Variants in ZNF207 observed in about 807,000 individuals in gnomAD.
ZNF207 encodes BUB3-interacting and GLEBS motif-containing protein ZNF207.
Under a neutral mutation model 60.2 loss-of-function variants are expected in ZNF207, and 24 were observed. The ratio of observed to expected loss-of-function variants is 0.40; its 90% CI spans 0.29 to 0.56. The LOEUF (loss-of-function observed/expected upper bound fraction) is 0.56, where lower values mean the gene tolerates loss of function less well. Among genes scored for constraint, ZNF207 ranks in the 20% least tolerant of loss-of-function variants. The pLI is 0.49. For synonymous variants in ZNF207, 236 were observed against 194.7 expected (o/e 1.21, Z -1.77); for missense variants, 452 against 636.6 (o/e 0.71, Z 3.12).
chr17:32,367,284 T>TATATATAA (rs1346929445), intron 9 of ZNF207, among the ~76,000 whole-genome samples: 23 of 131,056 alleles, frequency 1.8e-4, no homozygotes, highest in African/African-American at 6.3e-4. Flanking sequence ...TATATATATA[T>TATATATAA]AAAGAATACT....
chr17:32,358,444 G>T, intron 2 of ZNF207, 59 bp from the exon 3 acceptor site: 2 of 1,480,678 alleles, frequency 1.4e-6, no homozygotes, highest in Admixed American at 2.7e-5. Context: ...AGCAGTCTTT[G>T]ATTAACTTGG....
chr17:32,355,042 T>C (rs75943544), intron 2 of ZNF207, among the ~76,000 whole-genome samples: 3,109 of 152,238 alleles, frequency 0.02, 57 homozygotes, highest in Non-Finnish European at 0.029. Context: ...CAGAGTTTGA[T>C]AGGTTAGATA....
chr17:32,366,142 G>A (rs1161659228), intron 8 of ZNF207, among the ~76,000 whole-genome samples: 1 of 152,098 alleles, frequency 6.6e-6, no homozygotes, highest in Non-Finnish European at 1.5e-5. Context: ...AGATCGGGAT[G>A]TATGTTTATT....
chr17:32,353,001 C>G (rs544665415), intron 2 of ZNF207, among the ~76,000 whole-genome samples: 7 of 152,178 alleles, frequency 4.6e-5, no homozygotes, highest in Admixed American at 4.6e-4. Context: ...TGGTGAAACC[C>G]CATCTCTACT....
chr17:32,369,040 G>T, intron 10 of ZNF207: 1 of 430,032 alleles, frequency 2.3e-6, no homozygotes, highest in Non-Finnish European at 4.2e-6. Flanking sequence ...TACTTCATTA[G>T]ATAGTTTCTT....
intron 2 of ZNF207, among the ~76,000 whole-genome samples, chr17:32,356,794 A>G (rs1904532751): frequency 6.6e-6 from 1 of 152,198 alleles, no homozygotes; most frequent in South Asian, 2.1e-4. Context: ...TTATTGGCAA[A>G]AGTTACCCAG....
rs1905618151 is a variant in ZNF207, at chr17:32,374,734, A to G, written c.*4975A>G. On this transcript the variant is annotated 3_prime_UTR_variant, in exon 12 of 12. Transcript: ENST00000394670. ...TATAACAACAGAATTTGGGTGTTAC[A>G]GACCTTTCAGCATGGATGGATTACT... 6.6e-6 allele frequency: 1 copy of G among 152,252 alleles called. No homozygotes were observed. Among genetic ancestry groups the G allele is most frequent in the Non-Finnish European group, 1.5e-5 (1 of 68,056 alleles). The allele number at this position is 152,252 out of a possible 1,614,324, so 9.4% of individuals were successfully genotyped here.
At chr17:32,355,603 T>C (rs1004144605) in intron 2 of ZNF207, among the ~76,000 whole-genome samples, 4 of 152,198 alleles carry the variant, frequency 2.6e-5, no homozygotes, top group Admixed American at 6.5e-5. Context: ...ACGCATACAA[T>C]GTAAGGGTGG....
intron 5 of ZNF207, chr17:32,361,228 AT>A: frequency 1.8e-6 from 1 of 566,242 alleles, no homozygotes; most frequent in South Asian, 2.6e-5. Context: ...GTAGTTGGTT[AT>A]TTATAGATTT....
At position 32,369,284 on chromosome 17, in the gene ZNF207, T is replaced by G. The variant is rs773596376; in HGVS notation, c.1165-11T>G. On this transcript the variant is annotated splice_polypyrimidine_tract_variant and intron_variant, in intron 10 of 11. Coordinates refer to ENST00000394670, the MANE Select transcript of ZNF207 (RefSeq NM_001098507.2). ...TCGAGTATTTAGCCCTGCGCTTATT[T>G]TTATTCCCAGGAAGAGAGAAGGGCA... 34 of 1,613,030 alleles carry G rather than the reference T, an allele frequency of 2.1e-5. No individual in the cohort carries two copies. Among genetic ancestry groups the G allele is most frequent in the Non-Finnish European group, 2.6e-5 (31 of 1,179,416 alleles).
rs184975721 is a variant in ZNF207 at position 32,352,088 on chromosome 17, C to T, written c.168+176C>T. 6.6e-5 allele frequency among the ~76,000 whole-genome samples: 10 copies of T among 152,294 alleles called. No homozygotes were observed. In the East Asian group the frequency reaches 1.5e-3, roughly 23 times the overall value. On this transcript the variant is annotated intron_variant, in intron 2 of 11. Coordinates refer to ENST00000394670, the MANE Select transcript of ZNF207 (RefSeq NM_001098507.2). Reference sequence around the variant, plus strand: ...GTTCAAGCTATTCTTCTGCCTCAGCCTCCGGAGTAGTTGGGACTACAGGCA... The same window carrying T: ...GTTCAAGCTATTCTTCTGCCTCAGCTTCCGGAGTAGTTGGGACTACAGGCA...
intron 3 of ZNF207, among the ~76,000 whole-genome samples, chr17:32,359,927 TTGAA>T (rs1198139106): frequency 6.6e-6 from 1 of 152,018 alleles, no homozygotes; most frequent in East Asian, 1.9e-4. Flanking sequence ...ATAGATAAAA[TTGAA>T]TGGTAGATGA....
intron 2 of ZNF207, among the ~76,000 whole-genome samples, chr17:32,356,029 C>T (rs2150789628): frequency 6.6e-6 from 1 of 152,300 alleles, no homozygotes; most frequent in Non-Finnish European, 1.5e-5. Flanking sequence ...AACTTAGTAA[C>T]ATTATTGTCT....
chr17:32,368,003 G>A lies in ZNF207; in HGVS notation c.1153G>A (p.Asp385Asn). 6.2e-7 allele frequency: 1 copy of A among 1,613,954 alleles called. No individual in the cohort carries two copies. Among genetic ancestry groups the A allele is most frequent in the Non-Finnish European group, 8.5e-7 (1 of 1,179,854 alleles). Residue 385 changes from aspartate (D) to asparagine (N), a missense_variant, in exon 10 of 12, where the codon GAT (aspartate) becomes AAT (asparagine). By Grantham distance (23) the Asp-to-Asn change is conservative (BLOSUM62 1). Transcript: ENST00000394670. Reference sequence around the variant, plus strand: ...CAGTAAGTTGATCCATCCAGATGAGGATATATCCCTGGTAAGTTGCTTTTA... The same window carrying A: ...CAGTAAGTTGATCCATCCAGATGAGAATATATCCCTGGTAAGTTGCTTTTA... Reference protein sequence around the residue: ...ATSKLIHPDEDISLEERRAQL... With the variant: ...ATSKLIHPDENISLEERRAQL...
chr17:32,363,811 G>C (rs180825975), intron 7 of ZNF207, among the ~76,000 whole-genome samples: 2 of 152,070 alleles, frequency 1.3e-5, no homozygotes, highest in African/African-American at 2.4e-5. Context: ...GATTACAGGC[G>C]TGAGCCACTG....
In ZNF207 at chr17:32,381,081, AGATT is replaced by A. The variant is rs1478047235; in HGVS notation, c.*11327_*11330del. The A allele has an allele frequency of 6.6e-6, 1 of 152,268 alleles. No homozygotes were observed. Among genetic ancestry groups the A allele is most frequent in the South Asian group, 2.1e-4 (1 of 4,836 alleles). 9.4% of individuals were successfully genotyped at this position (152,268 alleles called of 1,614,324 possible). ...AAGTGTTCAATTACTACACCAGGAA[AGATT>A]GATTATTTCTGAGGAAAAGGTCCAT... is the stretch of plus-strand genomic sequence containing the variant. On this transcript the variant is annotated 3_prime_UTR_variant, in exon 12 of 12. Coordinates refer to ENST00000394670, the MANE Select transcript of ZNF207 (RefSeq NM_001098507.2).
At chr17:32,366,564 T>C (rs534780617) in intron 8 of ZNF207, 101 bp from the exon 9 acceptor site, 136 of 808,280 alleles carry the variant, frequency 1.7e-4, no homozygotes, top group Non-Finnish European at 2.2e-4. Context: ...CATTAAATTT[T>C]GCATTTACAA....
In ZNF207 at chr17:32,380,244, A is replaced by C. The variant is rs78553171; in HGVS notation, c.*10485A>C. On this transcript the variant is annotated 3_prime_UTR_variant, in exon 12 of 12. Transcript: ENST00000394670. ...TAATAGTGATGAGAGTAAGTAGCCA[A>C]ATTTCCGTAATATAAGGTAATGTTT... The C allele has an allele frequency of 6.7e-4, 102 of 152,782 alleles. 1 individual carries two copies. In the East Asian group the frequency reaches 0.019, roughly 28 times the overall value. The allele number at this position is 152,782 out of a possible 1,614,324, so 9.5% of individuals were successfully genotyped here. A position where few individuals can be genotyped will look rare whatever the true frequency, so the allele number is the denominator to read the frequency against.
At chr17:32,352,586 T>G (rs762684357) in intron 2 of ZNF207, among the ~76,000 whole-genome samples, 8 of 152,232 alleles carry the variant, frequency 5.3e-5, no homozygotes, top group Non-Finnish European at 1.0e-4. Context: ...AATACTTAAT[T>G]AGCAGTCATT....
Sources: allele counts gnomAD v4.1 joint callset (sites outside exome capture counted in the v4.1 genomes callset), GRCh38; gene constraint gnomAD v4.1.1; transcripts MANE v1.5; gene names NCBI Gene and HGNC (gene_info 2026-07-23, HGNC 2026-07-21).